The following SLCO1B3 variants were observed in gnomAD, a reference collection of about 807,000 sequenced individuals.
The protein encoded by SLCO1B3 is liver-specific organic anion transporter 2.
A neutral mutation model predicts 71.8 loss-of-function variants in SLCO1B3; 72 were observed. That is an observed-to-expected ratio of 1.00 (90% CI 0.83 to 1.22). SLCO1B3 has a LOEUF of 1.22. Among genes scored for constraint, SLCO1B3 ranks in the 50% most tolerant of loss-of-function variants. The pLI, the probability that SLCO1B3 is intolerant of heterozygous loss-of-function variation, is 0.00. For synonymous variants in SLCO1B3, 298 were observed against 278.4 expected (o/e 1.07, Z -0.70); for missense variants, 911 against 819.7 (o/e 1.11, Z -1.36).
intron 15 of SLCO1B3, among the ~76,000 whole-genome samples, chr12:20,915,689 T>G (rs1866477663): frequency 6.6e-6 from 1 of 152,274 alleles, no homozygotes; most frequent in South Asian, 2.1e-4. Flanking sequence ...AACTTCAAAC[T>G]TGCTTCTCAG....
chr12:20,873,737 G>C (rs1865523122), intron 8 of SLCO1B3, among the ~76,000 whole-genome samples: 1 of 152,154 alleles, frequency 6.6e-6, no homozygotes, highest in Non-Finnish European at 1.5e-5. Flanking sequence ...ACATGCATTA[G>C]CTATTTGTCC....
intron 13 of SLCO1B3, among the ~76,000 whole-genome samples, chr12:20,887,950 C>G (rs1484339743): frequency 2.0e-5 from 3 of 151,882 alleles, no homozygotes; most frequent in African/African-American, 7.3e-5. Flanking sequence ...TATGGCTCTC[C>G]AATTTTCCCA....
chr12:20,884,169 A>C (rs1565601933), intron 13 of SLCO1B3, among the ~76,000 whole-genome samples: 1 of 152,208 alleles, frequency 6.6e-6, no homozygotes, highest in Non-Finnish European at 1.5e-5. Context: ...TGTTCGATGA[A>C]GAATATTTCC....
intron 8 of SLCO1B3, among the ~76,000 whole-genome samples, chr12:20,868,351 C>T (rs1480156460): frequency 6.6e-6 from 1 of 152,112 alleles, no homozygotes; most frequent in East Asian, 1.9e-4. Flanking sequence ...CACCCTAAAT[C>T]CCATGTTATT....
chr12:20,831,646 T>C (rs1864545181), intron 3 of SLCO1B3, among the ~76,000 whole-genome samples: 1 of 152,188 alleles, frequency 6.6e-6, no homozygotes, highest in South Asian at 2.1e-4. Flanking sequence ...AGTATTTTAA[T>C]TTTTTATGAA....
chr12:20,880,865 G>T lies in SLCO1B3; in HGVS notation c.1342G>T (p.Val448Leu). ...ATCATATATTTTCAGAAATAATTCA[G>T]TGGCATCTCATGTAGATGTACCACT... ...LTLTYDGNNS[V>L]ASHVDVPLSY... Residue 448 changes from valine (V) to leucine (L), a missense_variant, in exon 12 of 16, where the codon GTG (valine) becomes TTG (leucine). Val to Leu is a conservative substitution (Grantham distance 32). Transcript: ENST00000381545. The T allele has an allele frequency of 6.3e-7, 1 of 1,587,038 alleles. No individual in the cohort carries two copies.
At position 20,861,112 on chromosome 12, in the gene SLCO1B3, G is replaced by A. The variant is rs1262532945; in HGVS notation, c.455G>A (p.Gly152Glu). The change falls in exon 6 of 16, where the codon GGA (glycine) becomes GAA (glutamate). Residue 152 changes from glycine (G) to glutamate (E), a missense_variant. By Grantham distance (98) the Gly-to-Glu change is moderately conservative. Transcript: ENST00000381545. ...CLINQTLSFN[G>E]TSPEIVEKDC... ...ATTAATCAAACCTTATCATTCAATG[G>A]AACATCACCTGAGATAGTAGAAAAA... is the stretch of plus-strand genomic sequence containing the variant. The A allele has an allele frequency of 6.3e-7, 1 of 1,594,560 alleles. No individual in the cohort carries two copies. The highest frequency in any genetic ancestry group is 1.8e-5 in the Admixed American group (1 of 56,290).
At chr12:20,858,611 C>G in intron 5 of SLCO1B3, 40 bp downstream of exon 5, 1 of 1,552,520 alleles carries the variant, frequency 6.4e-7, no homozygotes, top group South Asian at 1.2e-5. Flanking sequence ...TTATCAGCTA[C>G]TTGTAAATTA....
At position 20,883,462 on chromosome 12, in the gene SLCO1B3, C is replaced by A. The variant is rs889951646; in HGVS notation, c.1542C>A (p.Asn514Lys). 1 of 1,583,246 alleles carries A rather than the reference C, an allele frequency of 6.3e-7. No individual in the cohort carries two copies. The change falls in exon 13 of 16, where the codon AAC becomes AAA. Residue 514 changes from asparagine (N) to lysine (K), a missense_variant. Physicochemically the swap from Asn to Lys is moderately conservative, Grantham distance 94. Coordinates refer to ENST00000381545, the MANE Select transcript of SLCO1B3 (RefSeq NM_019844.4). ...CSCVEVTGLQ[N>K]RNYSAHLGEC... The stretch of plus-strand genomic sequence containing the variant: ...GTGTGGAAGTAACTGGTCTCCAGAA[C>A]AGAAATTACTCAGCACACTTGGGTG...
At chr12:20,821,914 C>T (rs529766378) in intron 3 of SLCO1B3, among the ~76,000 whole-genome samples, 14 of 151,906 alleles carry the variant, frequency 9.2e-5, no homozygotes, top group African/African-American at 2.2e-4. Flanking sequence ...TGTCTCTATC[C>T]GAAAATGAAA....
chr12:20,872,091 A>G (rs1340956106), intron 8 of SLCO1B3, among the ~76,000 whole-genome samples: 8 of 151,952 alleles, frequency 5.3e-5, no homozygotes, highest in Non-Finnish European at 7.4e-5. Flanking sequence ...GCTGGCACCC[A>G]AACCACAGCA....
At chr12:20,914,938 C>A (rs1866463516) in intron 15 of SLCO1B3, among the ~76,000 whole-genome samples, 1 of 151,908 alleles carries the variant, frequency 6.6e-6, no homozygotes, top group African/African-American at 2.4e-5. Flanking sequence ...AGGATGTTTT[C>A]TTCATCTTTG....
chr12:20,814,005 A>G (rs527879265), intron 2 of SLCO1B3, among the ~76,000 whole-genome samples: 10 of 152,180 alleles, frequency 6.6e-5, no homozygotes, highest in Non-Finnish European at 8.8e-5. Context: ...ATACTTAGAT[A>G]TTTACATATC....
intron 10 of SLCO1B3, among the ~76,000 whole-genome samples, 158 bp downstream of exon 10, chr12:20,878,094 C>T (rs571078675): frequency 1.5e-4 from 23 of 151,700 alleles, no homozygotes; most frequent in Non-Finnish European, 2.9e-4. Context: ...GTAATATCAT[C>T]GTTGTTCTGC....
In SLCO1B3 at chr12:20,855,083, T is replaced by C; in HGVS notation, c.140T>C (p.Ile47Thr). 1 of 1,611,744 alleles carries C rather than the reference T, an allele frequency of 6.2e-7. No homozygotes were observed. The highest frequency in any genetic ancestry group is 8.5e-7 in the Non-Finnish European group (1 of 1,179,102). Residue 47 changes from isoleucine to threonine, a missense_variant, in exon 4 of 16, where the codon ATT becomes ACT. Physicochemically the swap from Ile to Thr is moderately conservative, Grantham distance 89. Transcript: ENST00000381545. ...ATTGCTAAAGCACTAGGTGGAATCA[T>C]TATGAAAATTTCCATCACTCAAATA... ...SYIAKALGGIIMKISITQIER... is the reference protein window; with the variant it reads ...SYIAKALGGITMKISITQIER...
At chr12:20,876,707 T>G (rs550968998) in intron 9 of SLCO1B3, among the ~76,000 whole-genome samples, 1 of 152,170 alleles carries the variant, frequency 6.6e-6, no homozygotes, top group African/African-American at 2.4e-5. Context: ...GAATCTGTTG[T>G]TAAACATTTA....
chr12:20,880,116 T>C lies in SLCO1B3; in HGVS notation c.1331+485T>C, dbSNP rs556660268. On this transcript the variant is annotated intron_variant, in intron 11 of 15. Coordinates refer to ENST00000381545, the MANE Select transcript of SLCO1B3 (RefSeq NM_019844.4). ...TAAATCCTTAATAATTATCATATCT[T>C]TACAAAACAAATAAAATCTTTAAGC... Among the ~76,000 whole-genome samples, 69 of 122,552 alleles carry C rather than the reference T, an allele frequency of 5.6e-4. 2 individuals are homozygous for C. In the South Asian group the frequency reaches 0.024, roughly 42 times the overall value. The allele number at this position is 122,552 out of a possible 152,430, so 80.4% of individuals were successfully genotyped here. A position where few individuals can be genotyped will look rare whatever the true frequency, so the allele number is the denominator to read the frequency against.
chr12:20,830,766 G>T (rs1444625185), intron 3 of SLCO1B3, among the ~76,000 whole-genome samples: 3 of 152,126 alleles, frequency 2.0e-5, no homozygotes, highest in Admixed American at 2.0e-4. Flanking sequence ...GAGCTATCTG[G>T]TAAAGTCTAT....
chr12:20,863,484 C>T (rs1865310715), intron 8 of SLCO1B3, among the ~76,000 whole-genome samples: 1 of 152,198 alleles, frequency 6.6e-6, no homozygotes, highest in Non-Finnish European at 1.5e-5. Flanking sequence ...GCCTCGACTT[C>T]AGGCCCTCCT....
Sources: allele counts gnomAD v4.1 joint callset (sites outside exome capture counted in the v4.1 genomes callset), GRCh38; gene constraint gnomAD v4.1.1; transcripts MANE v1.5; gene names NCBI Gene and HGNC (gene_info 2026-07-23, HGNC 2026-07-21).